Variants in NUAK1 observed in about 807,000 individuals in gnomAD.
NUAK1 encodes the protein NUAK family SNF1-like kinase 1.
A neutral mutation model predicts 56.9 loss-of-function variants in NUAK1; 26 were observed. The observed-to-expected ratio is 0.46, with a 90% CI of 0.33 to 0.63. The LOEUF (loss-of-function observed/expected upper bound fraction) is 0.63, where lower values mean the gene tolerates loss of function less well. Among genes scored for constraint, NUAK1 ranks in the 30% least tolerant of loss-of-function variants. The pLI, the probability that NUAK1 is intolerant of heterozygous loss-of-function variation, is 0.02. For synonymous variants in NUAK1, 337 were observed against 336.0 expected (o/e 1.00, Z -0.03); for missense variants, 727 against 876.1 (o/e 0.83, Z 2.15).
chr12:106,068,075 A>C (rs1592846923), intron 6 of NUAK1, 120 bp from the exon 7 acceptor site: 2 of 940,548 alleles, frequency 2.1e-6, no homozygotes, highest in South Asian at 3.9e-5. Context: ...CCATCTGGAG[A>C]CCTGGTCCAG....
At chr12:106,109,183 G>A (rs1362027487) in intron 1 of NUAK1, among the ~76,000 whole-genome samples, 4 of 152,118 alleles carry the variant, frequency 2.6e-5, no homozygotes, top group Non-Finnish European at 4.4e-5. Flanking sequence ...GAGTGGTGGC[G>A]GACCCATCCA....
chr12:106,128,136 T>C lies in NUAK1; in HGVS notation c.240+10278A>G, dbSNP rs568876952. 3.4e-5 allele frequency among the ~76,000 whole-genome samples: 5 copies of C among 147,912 alleles called. No individual in the cohort carries two copies. In the South Asian group the frequency reaches 1.1e-3, roughly 31 times the overall value. Reference sequence around the variant, plus strand: ...TCCAAATTCTCTCTTTTCTTTTTCTTTTTTTTTTTTTTTGACACAGAGACT... The same window carrying C: ...TCCAAATTCTCTCTTTTCTTTTTCTCTTTTTTTTTTTTTGACACAGAGACT... On this transcript the variant is annotated intron_variant, in intron 1 of 6. Transcript: ENST00000261402.
chr12:106,102,611 C>G (rs184055330), intron 2 of NUAK1, among the ~76,000 whole-genome samples: 1 of 152,188 alleles, frequency 6.6e-6, no homozygotes, highest in Non-Finnish European at 1.5e-5. Flanking sequence ...ATGGACCCCA[C>G]GTTATGAACT....
intron 1 of NUAK1, among the ~76,000 whole-genome samples, chr12:106,108,127 T>C (rs1261830571): frequency 6.6e-6 from 1 of 152,040 alleles, no homozygotes; most frequent in Non-Finnish European, 1.5e-5. Flanking sequence ...GGGTTGCTGT[T>C]ATTAATTGAT....
chr12:106,083,981 C>T (rs2032547054), intron 3 of NUAK1, 52 bp from the exon 4 acceptor site: 1 of 1,478,732 alleles, frequency 6.8e-7, no homozygotes, highest in East Asian at 2.3e-5. Context: ...GGGATGAGAA[C>T]AAGAGAGAAA....
chr12:106,092,070 C>A (rs2032640989), intron 2 of NUAK1, among the ~76,000 whole-genome samples: 1 of 152,066 alleles, frequency 6.6e-6, no homozygotes, highest in Non-Finnish European at 1.5e-5. Flanking sequence ...AGGGCACCAG[C>A]ACTCACATCA....
chr12:106,100,812 T>C (rs2032739975), intron 2 of NUAK1, among the ~76,000 whole-genome samples: 1 of 152,206 alleles, frequency 6.6e-6, no homozygotes, highest in South Asian at 2.1e-4. Context: ...GTTGCTATTG[T>C]TGTTTTGTTG....
chr12:106,111,170 G>A (rs560305908), intron 1 of NUAK1, among the ~76,000 whole-genome samples: 4 of 152,204 alleles, frequency 2.6e-5, no homozygotes, highest in African/African-American at 7.2e-5. Flanking sequence ...TGTGAGGAGT[G>A]GAAACTAGGT....
chr12:106,125,505 A>C (rs1010601927), intron 1 of NUAK1, among the ~76,000 whole-genome samples: 2 of 152,138 alleles, frequency 1.3e-5, no homozygotes, highest in Non-Finnish European at 2.9e-5. Flanking sequence ...CTCCTCATCT[A>C]TGAAATGAAT....
At chr12:106,087,539 T>C (rs947512258) in intron 2 of NUAK1, among the ~76,000 whole-genome samples, 2 of 152,190 alleles carry the variant, frequency 1.3e-5, no homozygotes, top group African/African-American at 4.8e-5. Flanking sequence ...CAGAGTAACA[T>C]AGTAGGAGCT....
intron 1 of NUAK1, among the ~76,000 whole-genome samples, chr12:106,116,810 C>T (rs1215623973): frequency 6.6e-6 from 1 of 152,224 alleles, no homozygotes; most frequent in Non-Finnish European, 1.5e-5. Flanking sequence ...TAAACCACTT[C>T]CATCTTCAAA....
chr12:106,138,360 C>T lies in NUAK1; in HGVS notation c.240+54G>A. 3 of 1,548,546 alleles carry T rather than the reference C, an allele frequency of 1.9e-6. No homozygotes were observed. On this transcript the variant is annotated intron_variant, in intron 1 of 6. Transcript: ENST00000261402. The surrounding 1 kb of genome is among the most constrained non-coding windows in gnomAD (Gnocchi z 5.0). Reference sequence around the variant, plus strand: ...GACCCCCGCCTCGCACGCCCTCAGTCCCCGGCCGCGTCCACCCAGCGCCCC... The same window carrying T: ...GACCCCCGCCTCGCACGCCCTCAGTTCCCGGCCGCGTCCACCCAGCGCCCC...
At chr12:106,080,833 T>C (rs1565919972) in intron 4 of NUAK1, among the ~76,000 whole-genome samples, 1 of 152,184 alleles carries the variant, frequency 6.6e-6, no homozygotes, top group African/African-American at 2.4e-5. Flanking sequence ...GTCCCGCTGG[T>C]TCGTGGCTCG....
At chr12:106,135,426 A>T (rs749797732) in intron 1 of NUAK1, among the ~76,000 whole-genome samples, 15 of 152,248 alleles carry the variant, frequency 9.9e-5, no homozygotes, top group Non-Finnish European at 1.5e-4. Flanking sequence ...CTTTCGCGGC[A>T]CATAGAAAAT....
At chr12:106,074,050 T>C (rs938959485) in intron 4 of NUAK1, among the ~76,000 whole-genome samples, 2 of 152,058 alleles carry the variant, frequency 1.3e-5, no homozygotes, top group Non-Finnish European at 2.9e-5. Flanking sequence ...TACACATATA[T>C]ACATACATAT....
chr12:106,125,495 C>CTCCTCA (rs2033017452), intron 1 of NUAK1, among the ~76,000 whole-genome samples: 1 of 152,150 alleles, frequency 6.6e-6, no homozygotes, highest in South Asian at 2.1e-4. Flanking sequence ...AAGCCTCTGC[C>CTCCTCA]TCCTCATCTA....
intron 1 of NUAK1, 113 bp from the exon 2 acceptor site, chr12:106,106,638 A>G: frequency 9.2e-7 from 1 of 1,083,246 alleles, no homozygotes; most frequent in Non-Finnish European, 1.3e-6. Context: ...ACTGACAATA[A>G]CCAAAACAAA....
chr12:106,077,671 C>A (rs1195290371), intron 4 of NUAK1, among the ~76,000 whole-genome samples: 1 of 152,206 alleles, frequency 6.6e-6, no homozygotes, highest in African/African-American at 2.4e-5. Context: ...CCACTCCAAT[C>A]TGGCCCACGG....
chr12:106,127,310 G>A (rs893619831), intron 1 of NUAK1, among the ~76,000 whole-genome samples: 5 of 152,120 alleles, frequency 3.3e-5, no homozygotes, highest in East Asian at 1.9e-4. Flanking sequence ...GACTACAGAC[G>A]CAGGCCACTA....
Sources: allele counts gnomAD v4.1 joint callset (sites outside exome capture counted in the v4.1 genomes callset), GRCh38; gene constraint gnomAD v4.1.1; non-coding constraint Gnocchi (gnomAD v3.1); transcripts MANE v1.5; gene names NCBI Gene and HGNC (gene_info 2026-07-23, HGNC 2026-07-21).